Variants in COX7B2 observed in about 807,000 individuals in gnomAD.
COX7B2 encodes the protein cytochrome c oxidase subunit 7B2, mitochondrial.
For missense variants in COX7B2, 109 were observed against 95.9 expected (o/e 1.14, Z -0.57); for synonymous variants, 37 against 32.1 (o/e 1.15, Z -0.51).
chr4:46,831,062 C>T (rs535254416), intron 2 of COX7B2, among the ~76,000 whole-genome samples: 3 of 152,086 alleles, frequency 2.0e-5, no homozygotes, highest in Admixed American at 6.5e-5. Flanking sequence ...GGCGGGAACC[C>T]GGGCTGCACA....
intron 2 of COX7B2, among the ~76,000 whole-genome samples, chr4:46,744,424 C>T (rs1326280926): frequency 1.3e-5 from 2 of 152,108 alleles, no homozygotes; most frequent in South Asian, 2.1e-4. Context: ...TAGCAGCCAA[C>T]CTCTGCTATA....
At position 46,852,199 on chromosome 4, in the gene COX7B2, C is replaced by T. The variant is rs1716733109; in HGVS notation, c.-104-7185G>A. On this transcript the variant is annotated intron_variant, in intron 1 of 2. Coordinates refer to ENST00000355591, the MANE Select transcript of COX7B2 (RefSeq NM_130902.3). ...AATTATTTATTGATGTCAGCAAAGA[C>T]TCAAGAGCATTTTGTTTTATTCTGG... is the stretch of plus-strand genomic sequence containing the variant. 2.0e-5 allele frequency among the ~76,000 whole-genome samples: 3 copies of T among 152,018 alleles called. No homozygotes were observed. In the South Asian group the frequency reaches 6.2e-4, roughly 31 times the overall value.
chr4:46,835,386 T>C (rs1368992421), intron 2 of COX7B2, among the ~76,000 whole-genome samples: 1 of 150,782 alleles, frequency 6.6e-6, no homozygotes, highest in Non-Finnish European at 1.5e-5. Context: ...GCTTTTAAAA[T>C]CAGAAAAAAA....
At chr4:46,804,037 T>C (rs573703553) in intron 2 of COX7B2, among the ~76,000 whole-genome samples, 5 of 152,218 alleles carry the variant, frequency 3.3e-5, no homozygotes, top group Non-Finnish European at 5.9e-5. Context: ...TGTTCGGATG[T>C]GTTTGGAGTT....
At chr4:46,839,375 G>C (rs1434614804) in intron 2 of COX7B2, among the ~76,000 whole-genome samples, 1 of 151,900 alleles carries the variant, frequency 6.6e-6, no homozygotes, top group Non-Finnish European at 1.5e-5. Flanking sequence ...GTAACTTCCT[G>C]TGTCATCCCC....
At chr4:46,876,432 G>A (rs1052430962) in intron 1 of COX7B2, among the ~76,000 whole-genome samples, 3 of 136,618 alleles carry the variant, frequency 2.2e-5, no homozygotes, top group Non-Finnish European at 4.6e-5. Context: ...TTGAGAAGGA[G>A]TCTCGCTATG....
At chr4:46,906,607 AT>A (rs1025967537) in intron 1 of COX7B2, among the ~76,000 whole-genome samples, 1 of 151,998 alleles carries the variant, frequency 6.6e-6, no homozygotes, top group Non-Finnish European at 1.5e-5. Flanking sequence ...TGACTACCTT[AT>A]TTTTTTTCTA....
chr4:46,898,437 A>G (rs977038727), intron 1 of COX7B2, among the ~76,000 whole-genome samples: 2 of 151,824 alleles, frequency 1.3e-5, no homozygotes, highest in African/African-American at 4.8e-5. Flanking sequence ...ATTTTTTTTG[A>G]GACAGGGTCT....
Position 46,776,507 on chromosome 4 carries a change from G to T in COX7B2, c.-49-41266C>A, listed in dbSNP as rs79714539. Among the ~76,000 whole-genome samples the T allele has an allele frequency of 3.6e-3, 546 of 151,922 alleles. 2 individuals carry two copies. The highest frequency in any genetic ancestry group is 4.4e-3 in the Non-Finnish European group (297 of 67,920). On this transcript the variant is annotated intron_variant, in intron 2 of 2. Coordinates refer to ENST00000355591, the MANE Select transcript of COX7B2 (RefSeq NM_130902.3). ...AGTGTCAGACTGGGAAGCAAGATAC[G>T]CACTGTTGTAATAAACTCAGTGGGA...
intron 2 of COX7B2, among the ~76,000 whole-genome samples, chr4:46,836,725 A>T (rs1715540520): frequency 6.6e-6 from 1 of 152,148 alleles, no homozygotes; most frequent in African/African-American, 2.4e-5. Context: ...TAGATTTGTT[A>T]TGACTGACAG....
At position 46,786,237 on chromosome 4, in the gene COX7B2, A is replaced by G. The variant is rs189356601; in HGVS notation, c.-49-50996T>C. ...CCTGCTCTTTATAATTTACTTTTGC[A>G]CCTAAAATATATTATGAACATCTTC... On this transcript the variant is annotated intron_variant, in intron 2 of 2. Transcript: ENST00000355591. Among the ~76,000 whole-genome samples, 190 of 152,314 alleles carry G rather than the reference A, an allele frequency of 1.2e-3. 1 individual carries two copies. The highest frequency in any genetic ancestry group is 4.3e-3 in the African/African-American group (177 of 41,578).
At chr4:46,810,288 A>G (rs760074527) in intron 2 of COX7B2, among the ~76,000 whole-genome samples, 1 of 152,020 alleles carries the variant, frequency 6.6e-6, no homozygotes, top group South Asian at 2.1e-4. Context: ...ACTGATACAT[A>G]GGGACTTGCT....
chr4:46,803,197 C>G (rs1718755130), intron 2 of COX7B2, among the ~76,000 whole-genome samples: 1 of 152,040 alleles, frequency 6.6e-6, no homozygotes, highest in African/African-American at 2.4e-5. Flanking sequence ...TAGCATTTAA[C>G]AACCTTTGGC....
intron 2 of COX7B2, among the ~76,000 whole-genome samples, chr4:46,782,623 A>G (rs764849837): frequency 8.5e-5 from 13 of 152,132 alleles, no homozygotes; most frequent in Non-Finnish European, 1.5e-4. Context: ...GCTCTTCACA[A>G]TAAATCTTGC....
chr4:46,890,286 A>T (rs1719353918), intron 1 of COX7B2, among the ~76,000 whole-genome samples: 1 of 152,230 alleles, frequency 6.6e-6, no homozygotes, highest in Non-Finnish European at 1.5e-5. Context: ...TAGATCTGGC[A>T]ACTAGCTGCG....
At chr4:46,823,199 A>T (rs1714427538) in intron 2 of COX7B2, among the ~76,000 whole-genome samples, 1 of 152,072 alleles carries the variant, frequency 6.6e-6, no homozygotes. Flanking sequence ...AATAGCCACT[A>T]TTTCCAAAAT....
chr4:46,812,404 C>T (rs1330641142), intron 2 of COX7B2, among the ~76,000 whole-genome samples: 1 of 151,948 alleles, frequency 6.6e-6, no homozygotes, highest in Non-Finnish European at 1.5e-5. Flanking sequence ...GAGGCTCAGG[C>T]CCCAGAAACT....
At chr4:46,902,634 G>A (rs1720139538) in intron 1 of COX7B2, among the ~76,000 whole-genome samples, 1 of 152,108 alleles carries the variant, frequency 6.6e-6, no homozygotes, top group African/African-American at 2.4e-5. Flanking sequence ...TCCAAAGTAG[G>A]TCAAAACTAC....
intron 1 of COX7B2, among the ~76,000 whole-genome samples, chr4:46,867,455 C>A (rs943054578): frequency 2.0e-5 from 3 of 152,214 alleles, no homozygotes; most frequent in Admixed American, 1.3e-4. Context: ...GCATAGGACA[C>A]CCCTACCAGC....
Sources: allele counts gnomAD v4.1 joint callset (sites outside exome capture counted in the v4.1 genomes callset), GRCh38; gene constraint gnomAD v4.1.1; transcripts MANE v1.5; gene names NCBI Gene and HGNC (gene_info 2026-07-23, HGNC 2026-07-21).